CPNE4: variants seen among roughly 807,000 people sequenced by gnomAD.
CPNE4 encodes copine 4.
A neutral mutation model predicts 67.9 loss-of-function variants in CPNE4; 25 were observed. The observed-to-expected ratio is 0.37, with a 90% CI of 0.27 to 0.51. The LOEUF is 0.51. CPNE4 is among the 20% of genes least tolerant of loss of function. The pLI is 0.93. For missense variants in CPNE4, 464 were observed against 690.8 expected (o/e 0.67, Z 3.68); for synonymous variants, 242 against 244.9 (o/e 0.99, Z 0.11).
chr3:131,647,885 G>A (rs2079706293), intron 7 of CPNE4, among the ~76,000 whole-genome samples: 1 of 152,050 alleles, frequency 6.6e-6, no homozygotes, highest in East Asian at 1.9e-4. Context: ...TATCCTCAAT[G>A]TGACTGCATT....
intron 1 of CPNE4, among the ~76,000 whole-genome samples, chr3:131,991,094 A>G (rs2073164948): frequency 7.3e-6 from 1 of 136,300 alleles, no homozygotes; most frequent in African/African-American, 2.5e-5. Flanking sequence ...TAAATTACCC[A>G]GTCTCTCGTA....
intron 2 of CPNE4, among the ~76,000 whole-genome samples, chr3:131,852,397 C>A (rs2086274850): frequency 1.3e-5 from 2 of 151,920 alleles, no homozygotes; most frequent in Admixed American, 1.3e-4. Flanking sequence ...ATTCATCACA[C>A]TAAAGAATAA....
At position 131,956,760 on chromosome 3, in the gene CPNE4, A is replaced by G. The variant is rs150459148; in HGVS notation, c.-1-51316T>C. 2.2e-4 allele frequency among the ~76,000 whole-genome samples: 34 copies of G among 152,316 alleles called. No homozygotes were observed. In the East Asian group the frequency reaches 2.7e-3, roughly 12 times the overall value. ...TAGCCTTGAATCTTGGAGAACATAT[A>G]AAGATTATGAGAAAATACTTTGTGT... On this transcript the variant is annotated intron_variant, in intron 1 of 15. Coordinates refer to ENST00000429747, the MANE Select transcript of CPNE4 (RefSeq NM_130808.3).
At chr3:131,859,299 C>A (rs966476522) in intron 2 of CPNE4, among the ~76,000 whole-genome samples, 1 of 152,102 alleles carries the variant, frequency 6.6e-6, no homozygotes, top group Non-Finnish European at 1.5e-5. Flanking sequence ...AGATAGCCAG[C>A]CACAAATCCT....
chr3:131,698,713 C>A (rs1325205848), intron 4 of CPNE4, among the ~76,000 whole-genome samples: 1 of 151,130 alleles, frequency 6.6e-6, no homozygotes, highest in African/African-American at 2.4e-5. Context: ...AGTTGGAGAC[C>A]AACCTGGCCA....
intron 14 of CPNE4, among the ~76,000 whole-genome samples, chr3:131,547,619 G>C (rs1307050778): frequency 6.6e-6 from 1 of 151,624 alleles, no homozygotes; most frequent in African/African-American, 2.4e-5. Context: ...CAGCATTACT[G>C]CTGGACAAGA....
chr3:131,841,247 A>G (rs1024491377), intron 2 of CPNE4, among the ~76,000 whole-genome samples: 5 of 152,226 alleles, frequency 3.3e-5, no homozygotes, highest in Non-Finnish European at 7.3e-5. Context: ...CTCCCCTTTC[A>G]CTGTCATGAG....
chr3:132,010,079 G>A (rs140511337), intron 1 of CPNE4, among the ~76,000 whole-genome samples: 14 of 152,328 alleles, frequency 9.2e-5, no homozygotes, highest in African/African-American at 2.6e-4. Context: ...GGCATGGGGC[G>A]TGTCTTTGAA....
At chr3:131,571,026 C>T (rs1559916921) in intron 10 of CPNE4, among the ~76,000 whole-genome samples, 1 of 151,942 alleles carries the variant, frequency 6.6e-6, no homozygotes, top group Admixed American at 6.6e-5. Flanking sequence ...CACTTCTTTA[C>T]CTTCTGTTTA....
intron 1 of CPNE4, among the ~76,000 whole-genome samples, chr3:131,962,774 G>GA (rs539704593): frequency 4.0e-4 from 60 of 151,630 alleles, no homozygotes; most frequent in African/African-American, 1.4e-3. Context: ...TCCTGAGAGA[G>GA]AAAATGGCTT....
At chr3:131,703,335 C>A (rs2081346997) in intron 3 of CPNE4, among the ~76,000 whole-genome samples, 1 of 152,102 alleles carries the variant, frequency 6.6e-6, no homozygotes, top group African/African-American at 2.4e-5. Flanking sequence ...TTCTTTATAC[C>A]CTATGATGGG....
intron 5 of CPNE4, among the ~76,000 whole-genome samples, chr3:131,690,997 C>T (rs1332495329): frequency 2.0e-5 from 3 of 152,116 alleles, no homozygotes; most frequent in African/African-American, 7.2e-5. Context: ...ATCAAAACCA[C>T]AATGAGATAC....
At chr3:131,801,444 G>GTATATATA (rs1479645211) in intron 2 of CPNE4, among the ~76,000 whole-genome samples, 27 of 85,034 alleles carry the variant, frequency 3.2e-4, no homozygotes, top group African/African-American at 1.3e-3. Context: ...GTGTGTGTGT[G>GTATATATA]TGTGTGTGTA....
chr3:131,637,586 G>T (rs937423853), intron 7 of CPNE4, among the ~76,000 whole-genome samples: 45 of 152,182 alleles, frequency 3.0e-4, no homozygotes, highest in African/African-American at 1.0e-3. Flanking sequence ...TCCCAAGGAA[G>T]AAGAGAAATC....
intron 2 of CPNE4, among the ~76,000 whole-genome samples, chr3:131,755,037 G>A (rs140018606): frequency 0.011 from 1,642 of 151,982 alleles, 20 homozygotes; most frequent in African/African-American, 0.038. Context: ...TGTGTATGTC[G>A]AAAAGTTGAA....
intron 15 of CPNE4, chr3:131,537,641 G>A: frequency 3.5e-6 from 1 of 284,024 alleles, no homozygotes; most frequent in East Asian, 1.3e-4. Flanking sequence ...CATTGTAATA[G>A]TCCAGGACTT....
At chr3:131,817,296 A>T (rs2084781799) in intron 2 of CPNE4, among the ~76,000 whole-genome samples, 2 of 152,200 alleles carry the variant, frequency 1.3e-5, no homozygotes, top group African/African-American at 4.8e-5. Context: ...TAAGGCTTAA[A>T]GGAGAGGAGG....
chr3:131,787,774 A>T (rs1470782171), intron 2 of CPNE4, among the ~76,000 whole-genome samples: 1 of 152,100 alleles, frequency 6.6e-6, no homozygotes, highest in Non-Finnish European at 1.5e-5. Flanking sequence ...ACTTTCCCCT[A>T]CTTGGTGATA....
At chr3:131,845,161 G>T (rs912542691) in intron 2 of CPNE4, among the ~76,000 whole-genome samples, 2 of 152,126 alleles carry the variant, frequency 1.3e-5, no homozygotes, top group African/African-American at 4.8e-5. Flanking sequence ...TTAGAAAAAT[G>T]ATTTAAAATA....
Sources: allele counts gnomAD v4.1 joint callset (sites outside exome capture counted in the v4.1 genomes callset), GRCh38; gene constraint gnomAD v4.1.1; transcripts MANE v1.5; gene names NCBI Gene and HGNC (gene_info 2026-07-23, HGNC 2026-07-21).